GPR55: variants seen among roughly 807,000 people sequenced by gnomAD.
GPR55 encodes the protein G-protein coupled receptor 55.
GPR55 carries 6 observed loss-of-function variants against 7.9 expected under a neutral mutation model. That is an observed-to-expected ratio of 0.76 (90% CI 0.41 to 1.49). The LOEUF (loss-of-function observed/expected upper bound fraction) is 1.49, where lower values mean the gene tolerates loss of function less well. Among genes scored for constraint, GPR55 ranks in the 40% most tolerant of loss-of-function variants. The pLI is 0.01. For synonymous variants in GPR55, 183 were observed against 166.8 expected, an observed-to-expected ratio of 1.10 and a Z score of -0.75; for missense variants, 376 against 406.0, an observed-to-expected ratio of 0.93 and a Z score of 0.63.
At position 230,908,837 on chromosome 2, in the gene GPR55, G is replaced by A. The variant is rs1392305581; in HGVS notation, c.*1166C>T. ...ATCCGTTGAGAAGCCATCCAGGCGT[G>A]ACTCAATTGTTTACAGTTTCCTGGG... On this transcript the variant is annotated 3_prime_UTR_variant, in exon 2 of 2. Coordinates refer to ENST00000650999, the MANE Select transcript of GPR55 (RefSeq NM_005683.4). 6.6e-6 allele frequency: 1 copy of A among 152,304 alleles called. No individual in the cohort carries two copies. Among genetic ancestry groups the A allele is most frequent in the Non-Finnish European group, 1.5e-5 (1 of 68,146 alleles). 9.4% of individuals were successfully genotyped at this position (152,304 alleles called of 1,614,324 possible). A position where few individuals can be genotyped will look rare whatever the true frequency, so the allele number is the denominator to read the frequency against.
intron 1 of GPR55, among the ~76,000 whole-genome samples, chr2:230,913,500 G>C (rs1690639915): frequency 1.3e-5 from 2 of 152,276 alleles, no homozygotes; most frequent in African/African-American, 4.8e-5. Context: ...AGATTCTATG[G>C]TTTCCAATGT....
At chr2:230,937,070 A>G (rs771935674) in intron 1 of GPR55, among the ~76,000 whole-genome samples, 20 of 152,112 alleles carry the variant, frequency 1.3e-4, no homozygotes, top group Middle Eastern at 3.4e-3. Context: ...AATGATTCTG[A>G]TTTTCAGTTG....
rs1357210600 is a variant in GPR55, at chr2:230,908,802, C to T, written c.*1201G>A. ...GGAGGCTTCCGCTGTCACTTGCACTCCTCCTCCAGATCCGTTGAGAAGCCA... is the reference window on the plus strand; with the variant it reads ...GGAGGCTTCCGCTGTCACTTGCACTTCTCCTCCAGATCCGTTGAGAAGCCA... On this transcript the variant is annotated 3_prime_UTR_variant, in exon 2 of 2. Transcript: ENST00000650999. 1 of 152,362 alleles carries T rather than the reference C, an allele frequency of 6.6e-6. No homozygotes were observed. Among genetic ancestry groups the T allele is most frequent in the East Asian group, 1.9e-4 (1 of 5,188 alleles). The allele number at this position is 152,362 out of a possible 1,614,324, so 9.4% of individuals were successfully genotyped here. A position where few individuals can be genotyped will look rare whatever the true frequency, so the allele number is the denominator to read the frequency against.
intron 1 of GPR55, among the ~76,000 whole-genome samples, chr2:230,950,490 C>A (rs1023670310): frequency 6.6e-6 from 1 of 152,190 alleles, no homozygotes; most frequent in Non-Finnish European, 1.5e-5. Flanking sequence ...CAGCCTCAGA[C>A]CTCATAACGA....
chr2:230,922,083 T>C (rs1480226811), intron 1 of GPR55, among the ~76,000 whole-genome samples: 1 of 152,220 alleles, frequency 6.6e-6, no homozygotes, highest in Non-Finnish European at 1.5e-5. Flanking sequence ...GGCAGGGCTA[T>C]GTGCTTATCC....
intron 1 of GPR55, among the ~76,000 whole-genome samples, chr2:230,954,356 C>T (rs1349595729): frequency 2.0e-5 from 3 of 152,270 alleles, no homozygotes; most frequent in Non-Finnish European, 1.5e-5. Context: ...CTGAAGAGGA[C>T]TCGGCTTAAC....
intron 1 of GPR55, among the ~76,000 whole-genome samples, chr2:230,917,646 A>AT (rs965722301): frequency 8.2e-4 from 121 of 147,670 alleles, no homozygotes; most frequent in Admixed American, 1.1e-3. Context: ...TGTCTCTACA[A>AT]TTTTTTTTTT....
Position 230,908,716 on chromosome 2 carries a change from CA to C in GPR55, c.*1286del. On this transcript the variant is annotated 3_prime_UTR_variant, in exon 2 of 2. Transcript: ENST00000650999. ...TCCTCATCCCACTCGCTCTGTCATG[CA>C]AAACCACCCCACAATGGATCCTTCT... The C allele has an allele frequency of 6.6e-6, 1 of 152,578 alleles. No homozygotes were observed. The highest frequency in any genetic ancestry group is 2.4e-5 in the African/African-American group (1 of 41,566). 9.5% of individuals were successfully genotyped at this position (152,578 alleles called of 1,614,324 possible).
chr2:230,957,525 G>T (rs112340641), intron 1 of GPR55: 1 of 365,006 alleles, frequency 2.7e-6, no homozygotes, highest in Non-Finnish European at 5.3e-6. Flanking sequence ...GGAGGGGCGC[G>T]GCTGGCCGGT....
intron 1 of GPR55, among the ~76,000 whole-genome samples, chr2:230,946,391 A>T (rs947804739): frequency 6.6e-6 from 1 of 152,248 alleles, no homozygotes; most frequent in African/African-American, 2.4e-5. Flanking sequence ...CACAAAAAAG[A>T]TAACTGTGTG....
chr2:230,956,202 T>C (rs1691481988), intron 1 of GPR55, among the ~76,000 whole-genome samples: 1 of 152,154 alleles, frequency 6.6e-6, no homozygotes, highest in African/African-American at 2.4e-5. Flanking sequence ...TCTCACTCTG[T>C]TGCCCAGGCT....
At chr2:230,941,438 G>A (rs144883050) in intron 1 of GPR55, among the ~76,000 whole-genome samples, 136 of 152,300 alleles carry the variant, frequency 8.9e-4, no homozygotes, top group African/African-American at 2.9e-3. Flanking sequence ...GACCCAGGAC[G>A]CTCAACCTGG....
chr2:230,928,040 C>A (rs1419985666), upstream of GPR55, among the ~76,000 whole-genome samples: 2 of 152,184 alleles, frequency 1.3e-5, no homozygotes, highest in African/African-American at 2.4e-5. Flanking sequence ...TGGAGGAGGG[C>A]AGCCCAGGTG....
At chr2:230,940,106 G>A (rs1172882155) in intron 1 of GPR55, among the ~76,000 whole-genome samples, 6 of 152,130 alleles carry the variant, frequency 3.9e-5, no homozygotes, top group Non-Finnish European at 7.4e-5. Flanking sequence ...CCTGAAGGGT[G>A]GATGCAAATG....
At chr2:230,935,729 A>G (rs1451389575) in intron 1 of GPR55, among the ~76,000 whole-genome samples, 2 of 152,200 alleles carry the variant, frequency 1.3e-5, no homozygotes, top group African/African-American at 4.8e-5. Flanking sequence ...GGGAATGGAG[A>G]TACAGGTTCA....
At chr2:230,929,177 C>T (rs997437292), upstream of GPR55, among the ~76,000 whole-genome samples, 3 of 152,098 alleles carry the variant, frequency 2.0e-5, no homozygotes, top group Admixed American at 6.5e-5. Context: ...AAACATTGAG[C>T]CCGGATGACT....
At chr2:230,917,885 C>CT (rs1690751316) in intron 1 of GPR55, among the ~76,000 whole-genome samples, 1 of 151,404 alleles carries the variant, frequency 6.6e-6, no homozygotes, top group Non-Finnish European at 1.5e-5. Flanking sequence ...AACTACAAAA[C>CT]TAAATACATG....
intron 1 of GPR55, among the ~76,000 whole-genome samples, chr2:230,945,668 G>A (rs183982743): frequency 3.0e-3 from 463 of 152,324 alleles, no homozygotes; most frequent in Non-Finnish European, 3.9e-3. Context: ...CACCTCCCGG[G>A]TTCACGCCAT....
chr2:230,919,094 T>C (rs1298644085), intron 1 of GPR55, among the ~76,000 whole-genome samples: 1 of 152,152 alleles, frequency 6.6e-6, no homozygotes, highest in Admixed American at 6.5e-5. Flanking sequence ...GTTAACAATT[T>C]GGGAGTAAAA....
Sources: allele counts gnomAD v4.1 joint callset (sites outside exome capture counted in the v4.1 genomes callset), GRCh38; gene constraint gnomAD v4.1.1; transcripts MANE v1.5; gene names NCBI Gene and HGNC (gene_info 2026-07-23, HGNC 2026-07-21).